EQTN: variants seen among roughly 807,000 people sequenced by gnomAD.
The protein encoded by EQTN is equatorin.
In EQTN, 29 loss-of-function variants were observed where a neutral mutation model predicts 26.9. That is an observed-to-expected ratio of 1.08 (90% CI 0.80 to 1.47). EQTN has a LOEUF of 1.47. EQTN is among the 40% of genes most tolerant of loss of function. The pLI is 0.00. For synonymous variants in EQTN, 129 were observed against 120.0 expected (o/e 1.07, Z -0.49); for missense variants, 391 against 346.1 (o/e 1.13, Z -1.03).
intron 4 of EQTN, among the ~76,000 whole-genome samples, chr9:27,291,343 G>C (rs141350206): frequency 2.0e-5 from 3 of 152,322 alleles, no homozygotes; most frequent in African/African-American, 7.2e-5. Flanking sequence ...GGTATGCACA[G>C]GGTTTAATTT....
intron 6 of EQTN, 40 bp from the exon 7 acceptor site, chr9:27,286,402 G>A: frequency 6.5e-7 from 1 of 1,549,278 alleles, no homozygotes; most frequent in East Asian, 2.4e-5. Context: ...AGGGTGTTCA[G>A]TGTGTTCTCC....
intron 5 of EQTN, among the ~76,000 whole-genome samples, chr9:27,290,114 C>T (rs1820202202): frequency 6.6e-6 from 1 of 152,168 alleles, no homozygotes; most frequent in African/African-American, 2.4e-5. Context: ...ATATTATCTC[C>T]ATAAGGAACA....
intron 1 of EQTN, 43 bp downstream of exon 1, chr9:27,296,937 T>A (rs960771817): frequency 1.3e-6 from 2 of 1,599,864 alleles, no homozygotes; most frequent in African/African-American, 2.7e-5. Context: ...TGGGTCATCC[T>A]TCTTACCTAC....
chr9:27,288,069 G>C (rs1346253719), intron 6 of EQTN, among the ~76,000 whole-genome samples: 2 of 152,180 alleles, frequency 1.3e-5, no homozygotes, highest in Non-Finnish European at 2.9e-5. Flanking sequence ...GCCTCCCAAA[G>C]TGCTGGGATT....
At position 27,297,123 on chromosome 9, in the gene EQTN, C is replaced by A. The variant is rs1820361005; in HGVS notation, c.-68G>T. On this transcript the variant is annotated 5_prime_UTR_variant, in exon 1 of 8. Coordinates refer to ENST00000380032, the MANE Select transcript of EQTN (RefSeq NM_020641.3). ...CCAGAGCCTCCTTTCTGTGGCCCAG[C>A]AGGTCCTGTGTCTAACTAGGACATT... 4 of 1,122,522 alleles carry A rather than the reference C, an allele frequency of 3.6e-6. No homozygotes were observed. Among genetic ancestry groups the A allele is most frequent in the Admixed American group, 2.2e-5 (1 of 45,016 alleles). The allele number at this position is 1,122,522 out of a possible 1,614,324, so 69.5% of individuals were successfully genotyped here.
chr9:27,287,023 T>A (rs1199479331), intron 6 of EQTN, among the ~76,000 whole-genome samples: 3 of 152,218 alleles, frequency 2.0e-5, no homozygotes. Context: ...AGTCTTTTTT[T>A]AACTAAATCT....
At position 27,286,239 on chromosome 9, in the gene EQTN, C is replaced by A. The variant is rs772017086; in HGVS notation, c.605G>T (p.Ser202Ile). Reference sequence around the variant, plus strand: ...ATGCCTCAGTTTGTACAGTGTAGCACTACAGAATGCCAAGAGGACCACAAA... The same window carrying A: ...ATGCCTCAGTTTGTACAGTGTAGCAATACAGAATGCCAAGAGGACCACAAA... ...LLFVVLLAFC[S>I]ATLYKLRHLS... Residue 202 changes from serine (S) to isoleucine (I), a missense_variant, in exon 7 of 8, where the codon AGT (serine) becomes ATT (isoleucine). Coordinates refer to ENST00000380032, the MANE Select transcript of EQTN (RefSeq NM_020641.3). The A allele has an allele frequency of 1.2e-6, 2 of 1,614,012 alleles. No individual in the cohort carries two copies. Among genetic ancestry groups the A allele is most frequent in the South Asian group, 2.2e-5 (2 of 91,004 alleles).
At chr9:27,295,062 T>C (rs868490586) in intron 2 of EQTN, among the ~76,000 whole-genome samples, 13 of 152,240 alleles carry the variant, frequency 8.5e-5, no homozygotes, top group African/African-American at 2.2e-4. Flanking sequence ...TATGTGTATT[T>C]AATATTTACA....
chr9:27,291,094 C>G, intron 4 of EQTN, 31 bp from the exon 5 acceptor site: 2 of 1,575,414 alleles, frequency 1.3e-6, no homozygotes, highest in Non-Finnish European at 1.7e-6. Context: ...ACAACAAGAA[C>G]AACAAGAAAA....
intron 6 of EQTN, 99 bp from the exon 7 acceptor site, chr9:27,286,461 C>T (rs962214782): frequency 1.7e-6 from 2 of 1,200,066 alleles, no homozygotes; most frequent in Non-Finnish European, 2.3e-6. Flanking sequence ...AGCCCTCCAC[C>T]ATCCAGAGTA....
chr9:27,295,778 G>T (rs2131310872), intron 2 of EQTN, among the ~76,000 whole-genome samples: 1 of 128,214 alleles, frequency 7.8e-6, no homozygotes, highest in South Asian at 2.7e-4. Context: ...CTTGGAGCGA[G>T]CAGAGATTGC....
At chr9:27,295,279 A>G (rs763158404) in intron 2 of EQTN, among the ~76,000 whole-genome samples, 1 of 152,172 alleles carries the variant, frequency 6.6e-6, no homozygotes, top group Non-Finnish European at 1.5e-5. Flanking sequence ...AAAATAAAAC[A>G]AAGTCACAAC....
intron 3 of EQTN, 71 bp from the exon 4 acceptor site, chr9:27,292,558 AAT>A (rs1820259032): frequency 1.2e-6 from 1 of 854,270 alleles, no homozygotes; most frequent in Admixed American, 2.3e-5. Flanking sequence ...GATATTTTTT[AAT>A]ATCTATTAAA....
At position 27,289,773 on chromosome 9, in the gene EQTN, AC is replaced by A. The variant is rs762015177; in HGVS notation, c.422-43del. The A allele has an allele frequency of 2.0e-6, 3 of 1,533,864 alleles. No individual in the cohort carries two copies. In the South Asian group the frequency reaches 3.6e-5, roughly 18 times the overall value. Reference sequence around the variant, plus strand: ...GGGTTATGGTAAACAACGTTCACTTACTAAAATTATTGCCTGTGTATGTATG... The same window carrying A: ...GGGTTATGGTAAACAACGTTCACTTATAAAATTATTGCCTGTGTATGTATG... On this transcript the variant is annotated intron_variant, in intron 5 of 7. Coordinates refer to ENST00000380032, the MANE Select transcript of EQTN (RefSeq NM_020641.3).
intron 6 of EQTN, among the ~76,000 whole-genome samples, chr9:27,288,159 G>T (rs1383373037): frequency 1.3e-5 from 2 of 152,280 alleles, no homozygotes; most frequent in East Asian, 1.9e-4. Flanking sequence ...GTGCACAAAT[G>T]AGGGGACAGG....
At chr9:27,290,912 T>G in intron 5 of EQTN, 107 bp downstream of exon 5, 1 of 850,762 alleles carries the variant, frequency 1.2e-6, no homozygotes, top group Non-Finnish European at 1.7e-6. Flanking sequence ...GGCAACAAAA[T>G]GTTGACTTAT....
chr9:27,290,249 C>G (rs1472629563), intron 5 of EQTN, among the ~76,000 whole-genome samples: 2 of 152,118 alleles, frequency 1.3e-5, no homozygotes, highest in Admixed American at 1.3e-4. Flanking sequence ...ATTAAGTGGG[C>G]TGCAAAAATG....
At chr9:27,286,798 C>A (rs1448788320) in intron 6 of EQTN, among the ~76,000 whole-genome samples, 1 of 152,166 alleles carries the variant, frequency 6.6e-6, no homozygotes, top group African/African-American at 2.4e-5. Context: ...AAGGTGCATG[C>A]TCTAGTGCTG....
rs191868102 is a variant in EQTN, at chr9:27,289,388, A to G, written c.481+284T>C. 2.5e-3 allele frequency among the ~76,000 whole-genome samples: 375 copies of G among 152,306 alleles called. 5 individuals are homozygous for G. The highest frequency in any genetic ancestry group is 4.6e-4 in the Non-Finnish European group (31 of 68,032). On this transcript the variant is annotated intron_variant, in intron 6 of 7. Transcript: ENST00000380032. The stretch of plus-strand genomic sequence containing the variant: ...TCACTAGGAAAAATATTATCATCAT[A>G]AAGACACTAAGATGTGTAAGAGTAT...
Sources: gnomAD v4.1 joint callset for allele counts (sites outside exome capture counted in the v4.1 genomes callset) on GRCh38, gnomAD v4.1.1 for gene constraint, MANE v1.5 for transcripts, NCBI Gene and HGNC (gene_info 2026-07-23, HGNC 2026-07-21) for gene names.